The following THRB variants were observed in gnomAD, a reference collection of about 807,000 sequenced individuals.
The protein encoded by THRB is thyroid hormone receptor beta, also known as nuclear receptor subfamily 1 group A member 2.
THRB carries 12 observed loss-of-function variants against 47.8 expected under a neutral mutation model. That is an observed-to-expected ratio of 0.25 (90% CI 0.16 to 0.41). The LOEUF (loss-of-function observed/expected upper bound fraction) is 0.41, where lower values mean the gene tolerates loss of function less well. Ranked by LOEUF, THRB falls within the 10% of genes least tolerant of loss-of-function variation. The probability of loss-of-function intolerance (pLI) is 1.00; values close to 1 mark genes in which losing one functional copy is unlikely to be tolerated. For synonymous variants in THRB, 218 were observed against 212.2 expected, an observed-to-expected ratio of 1.03 and a Z score of -0.24; for missense variants, 348 against 589.2, an observed-to-expected ratio of 0.59 and a Z score of 4.24.
chr3:24,479,978 TGCCTCTAGGATG>T (rs1406975302), intron 1 of THRB, among the ~76,000 whole-genome samples: 5 of 152,156 alleles, frequency 3.3e-5, no homozygotes, highest in Non-Finnish European at 5.9e-5. Flanking sequence ...CCTACTCCCT[TGCCTCTAGGATG>T]GGTCAACCAC....
intron 4 of THRB, among the ~76,000 whole-genome samples, chr3:24,204,987 G>A (rs1411140813): frequency 6.6e-6 from 1 of 152,166 alleles, no homozygotes; most frequent in Non-Finnish European, 1.5e-5. Context: ...AAGCCTCCAG[G>A]AAATATGGGA....
intron 2 of THRB, among the ~76,000 whole-genome samples, chr3:24,323,234 T>A (rs1002158502): frequency 2.0e-5 from 3 of 152,126 alleles, no homozygotes; most frequent in Non-Finnish European, 4.4e-5. Context: ...TTGGTTTTTT[T>A]TTTTTTGGAT....
chr3:24,302,584 C>G (rs2057023203), intron 2 of THRB, among the ~76,000 whole-genome samples: 1 of 152,192 alleles, frequency 6.6e-6, no homozygotes, highest in Non-Finnish European at 1.5e-5. Flanking sequence ...CAGAATTTGT[C>G]ACAAACCTCA....
intron 4 of THRB, among the ~76,000 whole-genome samples, chr3:24,202,240 G>A (rs544535836): frequency 6.6e-6 from 1 of 152,342 alleles, no homozygotes; most frequent in African/African-American, 2.4e-5. Flanking sequence ...GAGCTGGGAT[G>A]AGTCTTGTGA....
intron 1 of THRB, among the ~76,000 whole-genome samples, chr3:24,476,777 A>G (rs1208235037): frequency 6.6e-6 from 1 of 152,164 alleles, no homozygotes; most frequent in African/African-American, 2.4e-5. Context: ...CTGATAGAGT[A>G]TGGTTTTCTA....
At chr3:24,492,180 T>C (rs1212062120) in intron 1 of THRB, among the ~76,000 whole-genome samples, 2 of 152,216 alleles carry the variant, frequency 1.3e-5, no homozygotes, top group Non-Finnish European at 2.9e-5. Context: ...CAAAGAGTTA[T>C]CCAGCACCTA....
At position 24,146,704 on chromosome 3, in the gene THRB, T is replaced by C. The variant is rs1280461369; in HGVS notation, c.503A>G (p.Lys168Arg). ...TGTTGCCATGCCAACATAGATGCATTTCTTAAAGCGACATTCCTGGCACTG... is the reference window on the plus strand; with the variant it reads ...TGTTGCCATGCCAACATAGATGCATCTCTTAAAGCGACATTCCTGGCACTG... Reference protein sequence around the residue: ...RNQCQECRFKKCIYVGMATDL... With the variant: ...RNQCQECRFKRCIYVGMATDL... Residue 168 changes from lysine (K) to arginine (R), a missense_variant, in exon 7 of 11, where the codon AAA becomes AGA. Physicochemically the swap from Lys to Arg is conservative, Grantham distance 26. This residue lies in a region of THRB where 112 missense variants were observed against 212.3 expected (regional missense o/e 0.53). Coordinates refer to ENST00000646209, the MANE Select transcript of THRB (RefSeq NM_001354712.2). 7 of 1,614,208 alleles carry C rather than the reference T, an allele frequency of 4.3e-6. No individual in the cohort carries two copies. The highest frequency in any genetic ancestry group is 5.9e-6 in the Non-Finnish European group (7 of 1,180,022).
intron 1 of THRB, among the ~76,000 whole-genome samples, chr3:24,364,356 T>C (rs1017838967): frequency 6.6e-6 from 1 of 152,174 alleles, no homozygotes; most frequent in Non-Finnish European, 1.5e-5. Flanking sequence ...GTGGTTGAAG[T>C]ATGGAAGAAA....
intron 3 of THRB, among the ~76,000 whole-genome samples, chr3:24,288,223 G>A (rs2055535591): frequency 6.6e-6 from 1 of 152,268 alleles, no homozygotes; most frequent in Non-Finnish European, 1.5e-5. Context: ...AAGACAGCCA[G>A]TGGCTGGAAG....
chr3:24,165,382 T>G lies in THRB; in HGVS notation c.284-12892A>C, dbSNP rs765882356. On this transcript the variant is annotated intron_variant, in intron 5 of 10. Transcript: ENST00000646209. ...TGTTTCCCTGGTTCAGTTTCTAGTT[T>G]ACATATACACACAGTCTACGCATGC... 8 of 743,712 alleles carry G rather than the reference T, an allele frequency of 1.1e-5. No homozygotes were observed. The East Asian group carries it at 1.7e-4, about 16-fold the overall frequency. 46.1% of individuals were successfully genotyped at this position (743,712 alleles called of 1,614,324 possible).
chr3:24,346,046 G>T (rs988284987), intron 1 of THRB, among the ~76,000 whole-genome samples: 1 of 152,058 alleles, frequency 6.6e-6, no homozygotes, highest in Non-Finnish European at 1.5e-5. Context: ...AAATATCCCA[G>T]ATGGGAGCTT....
intron 4 of THRB, among the ~76,000 whole-genome samples, chr3:24,228,586 G>T: frequency 6.9e-6 from 1 of 145,282 alleles, no homozygotes; most frequent in East Asian, 2.0e-4. Flanking sequence ...TAAACCGTGA[G>T]TGCACCACTG....
intron 4 of THRB, among the ~76,000 whole-genome samples, chr3:24,199,548 T>G (rs1376622881): frequency 6.6e-6 from 1 of 152,224 alleles, no homozygotes; most frequent in Non-Finnish European, 1.5e-5. Context: ...AATCTTTTCC[T>G]TATCTGGCTG....
intron 10 of THRB, 81 bp from the exon 11 acceptor site, chr3:24,123,206 G>A: frequency 6.3e-7 from 1 of 1,597,118 alleles, no homozygotes; most frequent in Non-Finnish European, 8.5e-7. Context: ...GGCCTTTATT[G>A]GGGGGCGGGC....
At chr3:24,461,986 AC>A (rs1287404735) in intron 1 of THRB, among the ~76,000 whole-genome samples, 1 of 152,230 alleles carries the variant, frequency 6.6e-6, no homozygotes, top group African/African-American at 2.4e-5. Context: ...AAAGATGTCC[AC>A]AAAATTATAT....
At chr3:24,483,902 G>T (rs1696853435) in intron 1 of THRB, 1 of 152,234 alleles carries the variant, frequency 6.6e-6, no homozygotes, top group South Asian at 2.1e-4. Flanking sequence ...TTTAGGTAGG[G>T]GACATGCGAT....
intron 3 of THRB, among the ~76,000 whole-genome samples, chr3:24,295,618 A>G (rs2056379684): frequency 6.6e-6 from 1 of 152,208 alleles, no homozygotes; most frequent in Non-Finnish European, 1.5e-5. Flanking sequence ...ACACTACTTA[A>G]TGGCTACTCT....
At chr3:24,288,447 T>C (rs998133161) in intron 3 of THRB, among the ~76,000 whole-genome samples, 5 of 152,266 alleles carry the variant, frequency 3.3e-5, no homozygotes, top group African/African-American at 9.6e-5. Context: ...TGCAGGATTC[T>C]GTCTACTTTC....
chr3:24,439,727 A>G (rs1055342875), intron 1 of THRB, among the ~76,000 whole-genome samples: 2 of 152,228 alleles, frequency 1.3e-5, no homozygotes, highest in African/African-American at 4.8e-5. Context: ...CTATTTCCTT[A>G]TCATTTCCAT....
Sources: gnomAD v4.1 joint callset for allele counts (sites outside exome capture counted in the v4.1 genomes callset) on GRCh38, gnomAD v4.1.1 for gene constraint, gnomAD v4.1.1 regional missense constraint, MANE v1.5 for transcripts, NCBI Gene and HGNC (gene_info 2026-07-23, HGNC 2026-07-21) for gene names.